PIK3C3: variants seen among roughly 807,000 people sequenced by gnomAD.
The protein encoded by PIK3C3 is phosphatidylinositol 3-kinase catalytic subunit type 3, also known as PI3-kinase type 3.
Under a neutral mutation model 126.1 loss-of-function variants are expected in PIK3C3, and 95 were observed. That is an observed-to-expected ratio of 0.75 (90% CI 0.64 to 0.89). The LOEUF (loss-of-function observed/expected upper bound fraction) is 0.89, where lower values mean the gene tolerates loss of function less well. Ranked by LOEUF, PIK3C3 falls within the 40% of genes least tolerant of loss-of-function variation. The probability of loss-of-function intolerance (pLI) is 0.00; values close to 1 mark genes in which losing one functional copy is unlikely to be tolerated. For missense variants in PIK3C3, 829 were observed against 1,063.2 expected (o/e 0.78, Z 3.06); for synonymous variants, 374 against 360.0 (o/e 1.04, Z -0.44).
At chr18:42,025,377 G>A (rs925483224) in intron 13 of PIK3C3, 2 of 152,152 alleles carry the variant, frequency 1.3e-5, no homozygotes, top group Admixed American at 1.3e-4. Context: ...GCTGTTTTTT[G>A]TTTTAATGTT....
At chr18:42,054,301 TG>T (rs1984963107) in intron 21 of PIK3C3, among the ~76,000 whole-genome samples, 1 of 149,910 alleles carries the variant, frequency 6.7e-6, no homozygotes, top group Middle Eastern at 3.2e-3. Context: ...CTGAAGAACT[TG>T]GAGTCGGATG....
chr18:41,966,781 T>C (rs1980392604), intron 3 of PIK3C3, among the ~76,000 whole-genome samples: 1 of 152,206 alleles, frequency 6.6e-6, no homozygotes, highest in South Asian at 2.1e-4. Context: ...ACACGGAATA[T>C]TCAGCTCACT....
intron 24 of PIK3C3, among the ~76,000 whole-genome samples, chr18:42,073,992 A>G (rs1212352710): frequency 1.3e-5 from 2 of 152,180 alleles, no homozygotes; most frequent in Non-Finnish European, 2.9e-5. Context: ...GTTTATGTGT[A>G]TATTCACAGC....
At chr18:42,016,996 T>A (rs1983104411) in intron 12 of PIK3C3, among the ~76,000 whole-genome samples, 2 of 152,176 alleles carry the variant, frequency 1.3e-5, no homozygotes, top group Admixed American at 1.3e-4. Context: ...CTGATATTTC[T>A]CTTGTGATTG....
At chr18:42,070,495 T>C (rs1218483727) in intron 24 of PIK3C3, 1 of 152,092 alleles carries the variant, frequency 6.6e-6, no homozygotes. Flanking sequence ...TTTTCTTAAT[T>C]CTCTTTATTA....
chr18:42,076,135 TATATATATGC>T lies in PIK3C3; in HGVS notation c.2650-4987_2650-4978del, dbSNP rs1259457496. Among the ~76,000 whole-genome samples the T allele has an allele frequency of 6.5e-5, 6 of 92,780 alleles. 1 individual carries two copies. Among genetic ancestry groups the T allele is most frequent in the Admixed American group, 2.1e-4 (2 of 9,444 alleles). 60.9% of individuals were successfully genotyped at this position (92,780 alleles called of 152,430 possible). ...ATATATATATATGCGCATATATATA[TATATATATGC>T]GCATATATATATATATGCACATATA... On this transcript the variant is annotated intron_variant, in intron 24 of 24. Coordinates refer to ENST00000262039, the MANE Select transcript of PIK3C3 (RefSeq NM_002647.4).
rs10539758 is a variant in PIK3C3, at chr18:41,966,177, C to CTTT, written c.401+3566_401+3568dup. On this transcript the variant is annotated intron_variant, in intron 3 of 24. Transcript: ENST00000262039. ...TATCTCTTTGCTAAGTATATTGTTC[C>CTTT]TTTTTTTTTTTTTTTTTTTTTTTGA... Among the ~76,000 whole-genome samples the CTTT allele has an allele frequency of 1.3e-3, 147 of 112,550 alleles. 1 individual carries two copies. Among genetic ancestry groups the CTTT allele is most frequent in the Non-Finnish European group, 2.2e-3 (124 of 57,544 alleles). 73.8% of individuals were successfully genotyped at this position (112,550 alleles called of 152,430 possible).
At chr18:42,076,097 T>TATATATATATATATATATATATGCAC (rs1985967961) in intron 24 of PIK3C3, among the ~76,000 whole-genome samples, 2 of 79,242 alleles carry the variant, frequency 2.5e-5, no homozygotes, top group East Asian at 7.7e-4. Context: ...TGCATATATA[T>TATATATATATATATATATATATGCAC]ATATATATAT....
At position 42,057,945 on chromosome 18, in the gene PIK3C3, C is replaced by G. The variant is rs1159345797; in HGVS notation, c.2326C>G (p.Pro776Ala). The change falls in exon 22 of 25, where the codon CCA (proline) becomes GCA (alanine). Residue 776 changes from proline (P) to alanine (A), a missense_variant. Physicochemically the swap from Pro to Ala is conservative, Grantham distance 27. Around this residue, in one of 4 missense-constraint regions of PIK3C3, gnomAD observed 196 missense variants for 312.8 expected, o/e 0.63. Coordinates refer to ENST00000262039, the MANE Select transcript of PIK3C3 (RefSeq NM_002647.4). ...LGRDPKPLPP[P>A]MKLNKEMVEG... ...TCGGGATCCAAAGCCTCTTCCTCCACCAATGAAGCTGAATAAAGAAATGGT... is the reference window on the plus strand; with the variant it reads ...TCGGGATCCAAAGCCTCTTCCTCCAGCAATGAAGCTGAATAAAGAAATGGT... The G allele has an allele frequency of 3.7e-6, 6 of 1,613,562 alleles. No individual in the cohort carries two copies. Among genetic ancestry groups the G allele is most frequent in the Non-Finnish European group, 5.1e-6 (6 of 1,179,758 alleles).
At chr18:42,001,292 A>G (rs1230973610) in intron 9 of PIK3C3, among the ~76,000 whole-genome samples, 2 of 152,236 alleles carry the variant, frequency 1.3e-5, no homozygotes, top group African/African-American at 4.8e-5. Context: ...CTTCACCACA[A>G]GCCTATGAAA....
At chr18:41,955,451 G>C (rs760512016) in intron 1 of PIK3C3, 92 bp downstream of exon 1, 1 of 1,117,444 alleles carries the variant, frequency 8.9e-7, no homozygotes, top group Admixed American at 1.8e-5. Flanking sequence ...GAAAGTACGT[G>C]ACTCGTCTCA....
intron 24 of PIK3C3, 107 bp downstream of exon 24, chr18:42,067,620 T>C: frequency 7.9e-7 from 1 of 1,273,158 alleles, no homozygotes; most frequent in Non-Finnish European, 1.1e-6. Context: ...TTTCTGTTTT[T>C]CTATCAAGTC....
chr18:42,028,270 C>T (rs1983663868), intron 14 of PIK3C3, among the ~76,000 whole-genome samples: 2 of 152,028 alleles, frequency 1.3e-5, no homozygotes, highest in Admixed American at 1.3e-4. Context: ...TATTGTGTAT[C>T]TTTCTTATCA....
intron 21 of PIK3C3, among the ~76,000 whole-genome samples, chr18:42,056,276 T>C (rs1985061393): frequency 6.6e-6 from 1 of 152,152 alleles, no homozygotes; most frequent in African/African-American, 2.4e-5. Context: ...AGATACTGAA[T>C]CTTTTACACC....
rs760056400 is a variant in PIK3C3, at chr18:41,970,315, C to T, written c.402-12C>T. On this transcript the variant is annotated splice_polypyrimidine_tract_variant and intron_variant, in intron 3 of 24. Transcript: ENST00000262039. ...AATTTACTTCTACCCTGAACATTCTCTTTTTCCCTAGCATGTTTCGCCAAG... is the reference window on the plus strand; with the variant it reads ...AATTTACTTCTACCCTGAACATTCTTTTTTTCCCTAGCATGTTTCGCCAAG... The T allele has an allele frequency of 6.2e-7, 1 of 1,611,674 alleles. No homozygotes were observed. Among genetic ancestry groups the T allele is most frequent in the Non-Finnish European group, 8.5e-7 (1 of 1,177,916 alleles).
At chr18:42,062,485 T>TA (rs1180180882) in intron 22 of PIK3C3, among the ~76,000 whole-genome samples, 1 of 152,090 alleles carries the variant, frequency 6.6e-6, no homozygotes, top group Non-Finnish European at 1.5e-5. Context: ...TCATTAGTGT[T>TA]AGTGTATTTT....
intron 20 of PIK3C3, among the ~76,000 whole-genome samples, chr18:42,046,581 A>G (rs1333520735): frequency 6.6e-6 from 1 of 152,156 alleles, no homozygotes; most frequent in Non-Finnish European, 1.5e-5. Flanking sequence ...TGTTTTGACA[A>G]GATTTTCTTG....
chr18:41,960,307 T>G (rs1980012292), intron 2 of PIK3C3, among the ~76,000 whole-genome samples: 1 of 152,252 alleles, frequency 6.6e-6, no homozygotes, highest in African/African-American at 2.4e-5. Flanking sequence ...TTTTTTCTTA[T>G]GTGAATATTA....
intron 13 of PIK3C3, among the ~76,000 whole-genome samples, chr18:42,024,633 C>T (rs920620503): frequency 4.6e-5 from 7 of 151,134 alleles, no homozygotes; most frequent in African/African-American, 1.7e-4. Context: ...CGAGGTTTCT[C>T]CATGTTGGTC....
Sources: gnomAD v4.1 joint callset for allele counts (sites outside exome capture counted in the v4.1 genomes callset) on GRCh38, gnomAD v4.1.1 for gene constraint, gnomAD v4.1.1 regional missense constraint, MANE v1.5 for transcripts, NCBI Gene and HGNC (gene_info 2026-07-23, HGNC 2026-07-21) for gene names.